ZNF385D: variants seen among roughly 807,000 people sequenced by gnomAD.
ZNF385D encodes the protein zinc finger protein 385D.
ZNF385D carries 15 observed loss-of-function variants against 35.8 expected under a neutral mutation model. That is an observed-to-expected ratio of 0.42 (90% CI 0.28 to 0.64). The LOEUF (loss-of-function observed/expected upper bound fraction) is 0.64. ZNF385D is among the 30% of genes least tolerant of loss of function. The pLI is 0.23. For synonymous variants in ZNF385D, 212 were observed against 186.8 expected (o/e 1.13, Z -1.10); for missense variants, 474 against 494.6 (o/e 0.96, Z 0.39).
intron 3 of ZNF385D, among the ~76,000 whole-genome samples, chr3:22,135,982 T>A (rs1277553043): frequency 6.6e-6 from 1 of 152,042 alleles, no homozygotes; most frequent in Non-Finnish European, 1.5e-5. Flanking sequence ...TGAAAATGGG[T>A]CACACCCTTG....
chr3:21,547,338 G>T (rs960770914), intron 3 of ZNF385D, among the ~76,000 whole-genome samples: 6 of 152,180 alleles, frequency 3.9e-5, no homozygotes, highest in Non-Finnish European at 7.4e-5. Flanking sequence ...CTGGTAAAAG[G>T]CCTTGGAATT....
intron 5 of ZNF385D, among the ~76,000 whole-genome samples, chr3:21,431,309 C>G (rs1701282810): frequency 6.6e-6 from 1 of 152,100 alleles, no homozygotes; most frequent in South Asian, 2.1e-4. Context: ...TTAGTAAACC[C>G]TAAATGCTCA....
chr3:22,330,213 T>C (rs538472239), intron 2 of ZNF385D, among the ~76,000 whole-genome samples: 1 of 152,336 alleles, frequency 6.6e-6, no homozygotes, highest in African/African-American at 2.4e-5. Context: ...ACACTTTCAT[T>C]TTTAATTTTC....
intron 3 of ZNF385D, among the ~76,000 whole-genome samples, chr3:21,976,010 T>C (rs1703597651): frequency 6.6e-6 from 1 of 151,982 alleles, no homozygotes; most frequent in East Asian, 1.9e-4. Flanking sequence ...CTTCAGAGCC[T>C]TCAAAGAAGA....
chr3:22,222,970 T>A (rs184119515), intron 2 of ZNF385D, among the ~76,000 whole-genome samples: 1 of 152,150 alleles, frequency 6.6e-6, no homozygotes, highest in Non-Finnish European at 1.5e-5. Flanking sequence ...TTGATAAGTA[T>A]CCCTGAAGTC....
chr3:21,603,507 AC>A (rs2064381001), intron 2 of ZNF385D, among the ~76,000 whole-genome samples: 1 of 152,216 alleles, frequency 6.6e-6, no homozygotes, highest in African/African-American at 2.4e-5. Flanking sequence ...AAGTTATGTT[AC>A]ATCTGTACAG....
At chr3:21,914,901 TA>T (rs1264702439) in intron 3 of ZNF385D, among the ~76,000 whole-genome samples, 1 of 148,892 alleles carries the variant, frequency 6.7e-6, no homozygotes, top group East Asian at 2.0e-4. Flanking sequence ...ATTTGGACAC[TA>T]AAAAAATGGC....
intron 1 of ZNF385D, among the ~76,000 whole-genome samples, chr3:21,667,640 C>T (rs927472520): frequency 6.6e-6 from 1 of 152,160 alleles, no homozygotes; most frequent in Non-Finnish European, 1.5e-5. Flanking sequence ...GCAGAAAATA[C>T]CATGCTTATA....
chr3:21,888,038 T>C (rs964869172), intron 3 of ZNF385D, among the ~76,000 whole-genome samples: 1 of 152,150 alleles, frequency 6.6e-6, no homozygotes, highest in African/African-American at 2.4e-5. Context: ...TAAGAATCTG[T>C]TTACTTTCTT....
intron 3 of ZNF385D, among the ~76,000 whole-genome samples, chr3:22,117,459 G>A (rs1036045686): frequency 6.6e-6 from 1 of 151,920 alleles, no homozygotes; most frequent in African/African-American, 2.4e-5. Context: ...TATCTCTCTG[G>A]CTTGAGGAGG....
At chr3:21,476,122 T>C (rs527383952) in intron 4 of ZNF385D, among the ~76,000 whole-genome samples, 8 of 152,262 alleles carry the variant, frequency 5.3e-5, no homozygotes, top group African/African-American at 1.2e-4. Flanking sequence ...TTTTAAACAA[T>C]TGAAACTTGT....
chr3:21,844,865 T>C (rs918316713), intron 3 of ZNF385D, among the ~76,000 whole-genome samples: 3 of 151,966 alleles, frequency 2.0e-5, no homozygotes, highest in Non-Finnish European at 2.9e-5. Context: ...TATCAGTATA[T>C]AGCATACACT....
chr3:22,003,769 A>T (rs990335594), intron 3 of ZNF385D, among the ~76,000 whole-genome samples: 3 of 151,904 alleles, frequency 2.0e-5, no homozygotes, highest in African/African-American at 7.3e-5. Flanking sequence ...CAGGTGGCTG[A>T]GGCGGGAGAA....
chr3:22,219,649 C>A (rs2125277354), intron 2 of ZNF385D, among the ~76,000 whole-genome samples: 1 of 152,212 alleles, frequency 6.6e-6, no homozygotes, highest in Non-Finnish European at 1.5e-5. Flanking sequence ...ATAAAGGTAA[C>A]TGAGATACAC....
At chr3:21,934,045 G>C (rs934579884) in intron 3 of ZNF385D, among the ~76,000 whole-genome samples, 1 of 151,768 alleles carries the variant, frequency 6.6e-6, no homozygotes, top group Admixed American at 6.6e-5. Context: ...AAAAAGTGCT[G>C]AAAAATGAAA....
chr3:21,848,186 T>TA (rs1449142189), intron 3 of ZNF385D, among the ~76,000 whole-genome samples: 2 of 151,960 alleles, frequency 1.3e-5, no homozygotes, highest in Admixed American at 1.3e-4. Context: ...TCCTTTTTTT[T>TA]AAAAAAGGAC....
At chr3:21,936,887 C>G (rs926924927) in intron 3 of ZNF385D, among the ~76,000 whole-genome samples, 2 of 152,100 alleles carry the variant, frequency 1.3e-5, no homozygotes, top group Non-Finnish European at 2.9e-5. Context: ...ATAGTTGTAA[C>G]TAGGTTAGCA....
intron 2 of ZNF385D, among the ~76,000 whole-genome samples, chr3:21,622,269 G>C (rs1428378141): frequency 6.6e-6 from 1 of 152,108 alleles, no homozygotes; most frequent in East Asian, 1.9e-4. Context: ...GTTGTCTTCA[G>C]ACTTTCAATA....
intron 3 of ZNF385D, among the ~76,000 whole-genome samples, chr3:21,877,662 A>C (rs1698053951): frequency 6.6e-6 from 1 of 151,970 alleles, no homozygotes; most frequent in Non-Finnish European, 1.5e-5. Flanking sequence ...AATAAAGCTA[A>C]TTTTCTTAAG....
Sources: gnomAD v4.1 joint callset for allele counts (sites outside exome capture counted in the v4.1 genomes callset) on GRCh38, gnomAD v4.1.1 for gene constraint, MANE v1.5 for transcripts, NCBI Gene and HGNC (gene_info 2026-07-23, HGNC 2026-07-21) for gene names.